Variants in TTN observed in about 807,000 individuals in gnomAD.
TTN encodes titin, also known as connectin.
TTN carries 1,525 observed loss-of-function variants against 3,223.0 expected under a neutral mutation model. The ratio of observed to expected loss-of-function variants is 0.47; its 90% CI spans 0.45 to 0.49. TTN has a LOEUF of 0.49. Ranked by LOEUF, TTN falls within the 20% of genes least tolerant of loss-of-function variation. The pLI is 0.00. For synonymous variants in TTN, 14,094 were observed against 15,161.0 expected (o/e 0.93, Z 5.17); for missense variants, 40,786 against 43,424.0 (o/e 0.94, Z 5.40).
chr2:178,751,453 T>C lies in TTN; in HGVS notation c.11311+1671A>G, dbSNP rs755489315. On this transcript the variant is annotated intron_variant, in intron 47 of 362. Coordinates refer to ENST00000589042, the MANE Select transcript of TTN (RefSeq NM_001267550.2). ...GTATAGTTCTCATCATTCCCTTTTG[T>C]TCCACATCTTGTTTTTTGTTAAAGG... The C allele has an allele frequency of 5.0e-6, 8 of 1,613,102 alleles. No individual in the cohort carries two copies. Among genetic ancestry groups the C allele is most frequent in the Admixed American group, 1.7e-5 (1 of 59,896 alleles).
intron 46 of TTN, 93 bp from the exon 47 acceptor site, chr2:178,753,273 T>C (rs1177746457): frequency 9.5e-7 from 1 of 1,052,056 alleles, no homozygotes. Flanking sequence ...GTTTTCTTTT[T>C]ATTATAACAA....
At position 178,802,126 on chromosome 2, in the gene TTN, C is replaced by G. The variant is rs1457871279; in HGVS notation, c.295+12G>C. The G allele has an allele frequency of 1.2e-6, 2 of 1,613,942 alleles. No homozygotes were observed. ...GGGGGAGCAGAGGATTGGCAGGTCC[C>G]CAGCAGCCTACCTTTCACGAGAAGC... On this transcript the variant is annotated intron_variant, in intron 3 of 362. Coordinates refer to ENST00000589042, the MANE Select transcript of TTN (RefSeq NM_001267550.2).
At position 178,756,362 on chromosome 2, in the gene TTN, C is replaced by T. The variant is rs2086934731; in HGVS notation, c.11114G>A (p.Arg3705Lys). 6.2e-7 allele frequency: 1 copy of T among 1,613,884 alleles called. No homozygotes were observed. Among genetic ancestry groups the T allele is most frequent in the Non-Finnish European group, 8.5e-7 (1 of 1,179,826 alleles). The change falls in exon 46 of 363, where the codon AGA becomes AAA. Residue 3705 changes from arginine (R) to lysine (K), a missense_variant. Physicochemically the swap from Arg to Lys is conservative, Grantham distance 26. Transcript: ENST00000589042. The part of the protein sequence containing the change: ...HEGAKIEESE[R>K]LKQSQNGNIQ... ...ATTTCCATTTTGTGATTGTTTCAGT[C>T]TCTCGGATTCCTCTATCTTTGCACC...
Position 178,710,716 on chromosome 2 carries a change from T to C in TTN, c.28381A>G (p.Lys9461Glu). The change falls in exon 98 of 363, where the codon AAA becomes GAA. Residue 9461 changes from lysine to glutamate, a missense_variant. Transcript: ENST00000589042. ...SAHLTVLKVD[K>E]GDSGQYTCYA... is the part of the protein sequence containing the mutation. ...CAGGTATATTGTCCAGAATCTCCTT[T>C]GTCTACTTTGAGGACTGTCAGGTGG... 6.2e-7 allele frequency: 1 copy of C among 1,613,804 alleles called. No individual in the cohort carries two copies.
chr2:178,635,605 A>G lies in TTN; in HGVS notation c.41719T>C (p.Phe13907Leu), dbSNP rs1192032110. 1.9e-6 allele frequency: 3 copies of G among 1,593,516 alleles called. No individual in the cohort carries two copies. The highest frequency in any genetic ancestry group is 1.8e-5 in the Admixed American group (1 of 56,768). The change falls in exon 227 of 363, where the codon TTC becomes CTC. Residue 13907 changes from phenylalanine to leucine, a missense_variant. Phe to Leu is a conservative substitution (Grantham distance 22, BLOSUM62 0). Coordinates refer to ENST00000589042, the MANE Select transcript of TTN (RefSeq NM_001267550.2). ...GCAGGGATTTCATCATATCCTTTGA[A>G]CCACTTAATGTTTGGAGTATCTTTT... Reference protein sequence around the residue: ...IAKDTPNIKWFKGYDEIPAEP... With the variant: ...IAKDTPNIKWLKGYDEIPAEP...
chr2:178,619,316 G>A, intron 250 of TTN: 2 of 431,512 alleles, frequency 4.6e-6, no homozygotes, highest in South Asian at 5.8e-5. Context: ...TAAAGTAGGA[G>A]AGTATAAGAC....
rs762714656 is a variant in TTN, at chr2:178,592,810, T to C, written c.59309A>G (p.His19770Arg). 1 of 1,613,536 alleles carries C rather than the reference T, an allele frequency of 6.2e-7. No homozygotes were observed. The highest frequency in any genetic ancestry group is 8.5e-7 in the Non-Finnish European group (1 of 1,179,616). Residue 19770 changes from histidine to arginine, a missense_variant, in exon 300 of 363, where the codon CAT becomes CGT. Transcript: ENST00000589042. ...VNAAGESDPA[H>R]VPEPVLVKDR... ...TTTTACTAGGACTGGCTCCGGAACA[T>C]GAGCTGGATCTGATTCACCAGCTGC...
intron 43 of TTN, chr2:178,760,937 C>T (rs1199571822): frequency 6.6e-6 from 1 of 152,052 alleles, no homozygotes; most frequent in Non-Finnish European, 1.5e-5. Flanking sequence ...TTTCTACTGA[C>T]AGCTTCTTCC....
chr2:178,538,157 A>T lies in TTN; in HGVS notation c.99290-240T>A. On this transcript the variant is annotated intron_variant, in intron 354 of 362. Coordinates refer to ENST00000589042, the MANE Select transcript of TTN (RefSeq NM_001267550.2). Reference sequence around the variant, plus strand: ...TTTTTCTCTTTATGATTGGAAGGGGATTAATAATGTATAGGCTTTTAAGGG... The same window carrying T: ...TTTTTCTCTTTATGATTGGAAGGGGTTTAATAATGTATAGGCTTTTAAGGG... 8 of 542,086 alleles carry T rather than the reference A, an allele frequency of 1.5e-5. No homozygotes were observed. The South Asian group carries it at 2.2e-4, about 15-fold the overall frequency. 33.6% of individuals were successfully genotyped at this position (542,086 alleles called of 1,614,324 possible). A position where few individuals can be genotyped will look rare whatever the true frequency, so the allele number is the denominator to read the frequency against.
intron 31 of TTN, 39 bp downstream of exon 31, chr2:178,773,799 T>A (rs2091871776): frequency 1.2e-6 from 2 of 1,613,904 alleles, no homozygotes; most frequent in Non-Finnish European, 1.7e-6. Flanking sequence ...TTTATGTTGC[T>A]TAATAGTGTA....
chr2:178,566,496 T>C lies in TTN; in HGVS notation c.79636A>G (p.Thr26546Ala), dbSNP rs775053902. 5.5e-5 allele frequency: 88 copies of C among 1,613,400 alleles called. No individual in the cohort carries two copies. The highest frequency in any genetic ancestry group is 7.1e-5 in the Non-Finnish European group (84 of 1,179,680). The change falls in exon 326 of 363, where the codon ACT becomes GCT. Residue 26546 changes from threonine to alanine, a missense_variant. Thr to Ala is a moderately conservative substitution (Grantham distance 58). Coordinates refer to ENST00000589042, the MANE Select transcript of TTN (RefSeq NM_001267550.2). Reference sequence around the variant, plus strand: ...GTGAGTTTTGAAATTTCAAATCGAGTGACTCTCAGGCCAGTCTGTGGAGTA... The same window carrying C: ...GTGAGTTTTGAAATTTCAAATCGAGCGACTCTCAGGCCAGTCTGTGGAGTA... ...IVTPQTGLRV[T>A]RFEISKLTEH...
In TTN at chr2:178,533,443, G is replaced by C. The variant is rs775343253; in HGVS notation, c.103172C>G (p.Pro34391Arg). 4 of 1,613,718 alleles carry C rather than the reference G, an allele frequency of 2.5e-6. No individual in the cohort carries two copies. The highest frequency in any genetic ancestry group is 1.7e-5 in the Admixed American group (1 of 60,008). ...ATCTTTCTCCCATTTTAATGTTGGT[G>C]GGGGGATGCCAGACACTCTGATCTC... ...CFEIRVSGIP[P>R]PTLKWEKDGQ... The change falls in exon 358 of 363, where the codon CCA becomes CGA. Residue 34391 changes from proline to arginine, a missense_variant. Physicochemically the swap from Pro to Arg is moderately radical, Grantham distance 103. Transcript: ENST00000589042.
At position 178,775,106 on chromosome 2, in the gene TTN, A is replaced by G. The variant is rs773658956; in HGVS notation, c.6605T>C (p.Phe2202Ser). ...ATCTTTATACCATTTCACTTTGACA[A>G]ATGGTTCTGAAGTTTCACATTCAAA... ...ATFECETSEPFVKVKWYKDGM... is the reference protein window; with the variant it reads ...ATFECETSEPSVKVKWYKDGM... Residue 2202 changes from phenylalanine to serine, a missense_variant, in exon 29 of 363, where the codon TTT becomes TCT. Phe to Ser is a radical substitution (Grantham distance 155). Transcript: ENST00000589042. 3.7e-6 allele frequency: 6 copies of G among 1,613,998 alleles called. No individual in the cohort carries two copies. Among genetic ancestry groups the G allele is most frequent in the Non-Finnish European group, 5.1e-6 (6 of 1,179,980 alleles).
rs2052664825 is a variant in TTN, at chr2:178,599,370, G to A, written c.56423C>T (p.Pro18808Leu). The A allele has an allele frequency of 8.1e-6, 13 of 1,600,018 alleles. No homozygotes were observed. The highest frequency in any genetic ancestry group is 1.0e-5 in the Non-Finnish European group (12 of 1,175,126). The change falls in exon 290 of 363, where the codon CCA (proline) becomes CTA (leucine). Residue 18808 changes from proline to leucine, a missense_variant. Pro to Leu is a moderately conservative substitution (Grantham distance 98). Transcript: ENST00000589042. ...CTTAGACCCACCATCATCTTTAGGT[G>A]GAAACCAAGATAGTGTCATTTGATC... is the stretch of plus-strand genomic sequence containing the variant. Reference protein sequence around the residue: ...SADQMTLSWFPPKDDGGSKIT... With the variant: ...SADQMTLSWFLPKDDGGSKIT...
intron 292 of TTN, 86 bp from the exon 293 acceptor site, chr2:178,598,144 C>A: frequency 7.0e-7 from 1 of 1,433,472 alleles, no homozygotes. Context: ...TCACCAGCAG[C>A]CTATTTAACT....
At position 178,634,801 on chromosome 2, in the gene TTN, T is replaced by C. The variant is rs762241231; in HGVS notation, c.42073A>G (p.Lys14025Glu). ...TCACCAGCTTGGTCCAGTTTGACTT[T>C]GTGCAAAGTTAAGAAGCGTTTTCCA... ...EGGKRFLTLH[K>E]VKLDQAGEVL... Residue 14025 changes from lysine to glutamate, a missense_variant, in exon 229 of 363, where the codon AAA becomes GAA. Coordinates refer to ENST00000589042, the MANE Select transcript of TTN (RefSeq NM_001267550.2). This position sits in a 1 kb window ranked among gnomAD's most constrained non-coding sequence, Gnocchi z 4.6. The C allele has an allele frequency of 6.2e-6, 10 of 1,612,940 alleles. No homozygotes were observed. The highest frequency in any genetic ancestry group is 8.5e-6 in the Non-Finnish European group (10 of 1,179,376).
Position 178,680,420 on chromosome 2 carries a change from A to T in TTN, c.33341-89T>A. On this transcript the variant is annotated intron_variant, in intron 138 of 362. Coordinates refer to ENST00000589042, the MANE Select transcript of TTN (RefSeq NM_001267550.2). The stretch of plus-strand genomic sequence containing the variant: ...TTGCTGTACTTTAAGCAGATAGAAT[A>T]ATGTATCTTCCTTTAATGAGATACA... 3 of 1,054,354 alleles carry T rather than the reference A, an allele frequency of 2.8e-6. No individual in the cohort carries two copies. In the South Asian group the frequency reaches 4.1e-5, roughly 15 times the overall value. The allele number at this position is 1,054,354 out of a possible 1,614,324, so 65.3% of individuals were successfully genotyped here. A position where few individuals can be genotyped will look rare whatever the true frequency, so the allele number is the denominator to read the frequency against.
chr2:178,557,259 C>G lies in TTN; in HGVS notation c.88003G>C (p.Ala29335Pro). 1.9e-6 allele frequency: 3 copies of G among 1,613,840 alleles called. No individual in the cohort carries two copies. Among genetic ancestry groups the G allele is most frequent in the East Asian group, 2.2e-5 (1 of 44,788 alleles). The part of the protein sequence containing the change: ...HPSEPVLAID[A>P]CEPPRNVRIT... ...TCCCATGACAAATACGTACCACAAGCATCAATTGCCAAGACTGGTTCAGAA... is the reference window on the plus strand; with the variant it reads ...TCCCATGACAAATACGTACCACAAGGATCAATTGCCAAGACTGGTTCAGAA... The change falls in exon 329 of 363, where the codon GCT becomes CCT. Residue 29335 changes from alanine (A) to proline (P), a missense_variant. Physicochemically the swap from Ala to Pro is conservative, Grantham distance 27. Transcript: ENST00000589042.
chr2:178,601,267 A>G lies in TTN; in HGVS notation c.55730T>C (p.Ile18577Thr), dbSNP rs2053375302. Reference protein sequence around the residue: ...TIQRTTARDPIYPPDPPIKLK... With the variant: ...TIQRTTARDPTYPPDPPIKLK... ...TAAATTTAGATTTTAAAGCTTACATATCGGATCTCTGGCAGTGGTCCTCTG... is the reference window on the plus strand; with the variant it reads ...TAAATTTAGATTTTAAAGCTTACATGTCGGATCTCTGGCAGTGGTCCTCTG... Residue 18577 changes from isoleucine (I) to threonine (T), a missense_variant and splice_region_variant, in exon 287 of 363, where the codon ATA becomes ACA. Transcript: ENST00000589042. 2 of 1,543,296 alleles carry G rather than the reference A, an allele frequency of 1.3e-6. No individual in the cohort carries two copies. Among genetic ancestry groups the G allele is most frequent in the Admixed American group, 2.1e-5 (1 of 47,222 alleles).
Sources: gnomAD v4.1 joint callset for allele counts on GRCh38, gnomAD v4.1.1 for gene constraint, Gnocchi (gnomAD v3.1) non-coding constraint, MANE v1.5 for transcripts, NCBI Gene and HGNC (gene_info 2026-07-23, HGNC 2026-07-21) for gene names.